The following WDFY2 variants were observed in gnomAD, a reference collection of about 807,000 sequenced individuals.
WDFY2 encodes the protein WD repeat and FYVE domain containing 2.
In WDFY2, 36 loss-of-function variants were observed where a neutral mutation model predicts 56.4. That is an observed-to-expected ratio of 0.64 (90% confidence interval 0.49 to 0.84). WDFY2 has a LOEUF of 0.84. Among genes scored for constraint, WDFY2 ranks in the 40% least tolerant of loss-of-function variants. The pLI, the probability that WDFY2 is intolerant of heterozygous loss-of-function variation, is 0.00. For synonymous variants in WDFY2, 176 were observed against 183.7 expected (o/e 0.96, Z 0.34); for missense variants, 444 against 512.2 (o/e 0.87, Z 1.29).
intron 2 of WDFY2, among the ~76,000 whole-genome samples, chr13:51,672,532 C>G (rs1955825098): frequency 6.6e-6 from 1 of 151,908 alleles, no homozygotes; most frequent in Admixed American, 6.6e-5. Flanking sequence ...TATGTGGGCT[C>G]TTTTTTGGTT....
intron 6 of WDFY2, among the ~76,000 whole-genome samples, chr13:51,730,415 C>T (rs1952698182): frequency 6.6e-6 from 1 of 152,206 alleles, no homozygotes; most frequent in Non-Finnish European, 1.5e-5. Context: ...CTTTCTCAGG[C>T]TCCACTGTGG....
chr13:51,599,236 C>G (rs1361038451), intron 1 of WDFY2: 1 of 152,188 alleles, frequency 6.6e-6, no homozygotes, highest in Non-Finnish European at 1.5e-5. Context: ...TTTTGACACC[C>G]AGAGGGATAA....
intron 1 of WDFY2, among the ~76,000 whole-genome samples, chr13:51,644,276 C>T (rs923547954): frequency 2.0e-5 from 3 of 152,172 alleles, no homozygotes; most frequent in Non-Finnish European, 4.4e-5. Flanking sequence ...GAAAACTACT[C>T]CGAATTAAGA....
intron 1 of WDFY2, among the ~76,000 whole-genome samples, chr13:51,620,566 C>T (rs1212196840): frequency 6.6e-6 from 1 of 152,112 alleles, no homozygotes; most frequent in Non-Finnish European, 1.5e-5. Flanking sequence ...TGTGGGCTCT[C>T]AACCCATCCC....
chr13:51,600,352 A>T (rs574706821), intron 1 of WDFY2, among the ~76,000 whole-genome samples: 26 of 152,288 alleles, frequency 1.7e-4, no homozygotes, highest in African/African-American at 6.0e-4. Context: ...CAAGGGATGC[A>T]TTTGGGTCTT....
chr13:51,641,546 G>T (rs550316221), intron 1 of WDFY2, among the ~76,000 whole-genome samples: 36 of 151,694 alleles, frequency 2.4e-4, no homozygotes, highest in Non-Finnish European at 3.5e-4. Flanking sequence ...ATTTTGTCGG[G>T]CCGGGCGCGG....
intron 6 of WDFY2, among the ~76,000 whole-genome samples, chr13:51,728,466 C>T (rs1952652258): frequency 6.6e-6 from 1 of 152,000 alleles, no homozygotes; most frequent in South Asian, 2.1e-4. Context: ...ACTTATCGAC[C>T]CTAGAAAATG....
chr13:51,707,332 T>A (rs1035525435), intron 4 of WDFY2, among the ~76,000 whole-genome samples: 15 of 152,142 alleles, frequency 9.9e-5, no homozygotes. Flanking sequence ...CTAAGTTTTA[T>A]GTTTTTTGTA....
In WDFY2 at chr13:51,675,158, C is replaced by G; in HGVS notation, c.206-12C>G. The stretch of plus-strand genomic sequence containing the variant: ...GTTTTGTTAATTTCATCAACATGTT[C>G]ATTTCTTTCAGCTCCATGTTCATGC... On this transcript the variant is annotated splice_polypyrimidine_tract_variant and intron_variant, in intron 2 of 11. Coordinates refer to ENST00000298125, the MANE Select transcript of WDFY2 (RefSeq NM_052950.4). 1 of 1,613,342 alleles carries G rather than the reference C, an allele frequency of 6.2e-7. No homozygotes were observed. Among genetic ancestry groups the G allele is most frequent in the South Asian group, 1.1e-5 (1 of 91,038 alleles).
intron 1 of WDFY2, among the ~76,000 whole-genome samples, chr13:51,644,111 CAG>C (rs66907342): frequency 0.21 from 31,758 of 151,886 alleles, 3,815 homozygotes; most frequent in Admixed American, 0.37. Context: ...TGGGGAGAGA[CAG>C]AGGGAGTCAG....
At chr13:51,742,438 C>CA (rs5803568) in intron 7 of WDFY2, among the ~76,000 whole-genome samples, 13,688 of 138,132 alleles carry the variant, frequency 0.099, 900 homozygotes, top group East Asian at 0.3. Context: ...GGAGGAAGGG[C>CA]AAAAAAAAAA....
chr13:51,746,303 G>C (rs1054951477), intron 7 of WDFY2, among the ~76,000 whole-genome samples: 7 of 152,182 alleles, frequency 4.6e-5, no homozygotes, highest in Non-Finnish European at 8.8e-5. Context: ...CCAAGCCCAA[G>C]AAACTCTACT....
chr13:51,608,184 A>G (rs1954420090), intron 1 of WDFY2, among the ~76,000 whole-genome samples: 1 of 152,236 alleles, frequency 6.6e-6, no homozygotes, highest in Non-Finnish European at 1.5e-5. Flanking sequence ...CAAATTTGTA[A>G]TAGTTTGTTA....
chr13:51,660,378 T>C (rs1232080329), intron 1 of WDFY2, among the ~76,000 whole-genome samples: 7 of 151,552 alleles, frequency 4.6e-5, no homozygotes, highest in Non-Finnish European at 1.0e-4. Flanking sequence ...TTTTTTTTTT[T>C]CAGTAGAGAC....
intron 2 of WDFY2, among the ~76,000 whole-genome samples, chr13:51,666,519 A>T (rs918089153): frequency 6.6e-6 from 1 of 152,152 alleles, no homozygotes; most frequent in African/African-American, 2.4e-5. Flanking sequence ...GGTGGAGAAG[A>T]GGATGGAGGG....
intron 1 of WDFY2, chr13:51,598,878 C>T (rs898442220): frequency 1.3e-5 from 2 of 150,318 alleles, no homozygotes; most frequent in African/African-American, 4.9e-5. Context: ...GAAGTCACAG[C>T]AGGCACTGGT....
chr13:51,713,647 T>G (rs1345575901), intron 4 of WDFY2, among the ~76,000 whole-genome samples: 2 of 151,442 alleles, frequency 1.3e-5, no homozygotes, highest in Non-Finnish European at 2.9e-5. Flanking sequence ...CCAAGGCGGG[T>G]GGATCACCTG....
At chr13:51,747,894 A>C (rs1452677850) in intron 7 of WDFY2, among the ~76,000 whole-genome samples, 1 of 152,216 alleles carries the variant, frequency 6.6e-6, no homozygotes. Context: ...TCTCTGGGAA[A>C]TCTTAGGCAT....
intron 1 of WDFY2, among the ~76,000 whole-genome samples, chr13:51,651,254 G>T (rs1955379399): frequency 6.6e-6 from 1 of 152,064 alleles, no homozygotes. Context: ...TGGGATCGGT[G>T]GTGATATCCC....
Sources: gnomAD v4.1 joint callset for allele counts (sites outside exome capture counted in the v4.1 genomes callset) on GRCh38, gnomAD v4.1.1 for gene constraint, MANE v1.5 for transcripts, NCBI Gene and HGNC (gene_info 2026-07-23, HGNC 2026-07-21) for gene names.